The following PTP4A2 variants were observed in gnomAD, a reference collection of about 807,000 sequenced individuals.
PTP4A2 encodes protein tyrosine phosphatase type IVA 2.
PTP4A2 carries 2 observed loss-of-function variants against 22.9 expected under a neutral mutation model. The observed-to-expected ratio is 0.09, with a 90% CI of 0.04 to 0.27. The LOEUF (loss-of-function observed/expected upper bound fraction) is 0.27, where lower values mean the gene tolerates loss of function less well. Ranked by LOEUF, PTP4A2 falls within the 10% of genes least tolerant of loss-of-function variation. The probability of loss-of-function intolerance (pLI) is 1.00; values close to 1 mark genes in which losing one functional copy is unlikely to be tolerated. For synonymous variants in PTP4A2, 68 were observed against 69.1 expected, an observed-to-expected ratio of 0.98 and a Z score of 0.08; for missense variants, 103 against 205.1, an observed-to-expected ratio of 0.50 and a Z score of 3.04.
chr1:31,924,641 T>G, intron 1 of PTP4A2, among the ~76,000 whole-genome samples: 1 of 152,256 alleles, frequency 6.6e-6, no homozygotes, highest in Non-Finnish European at 1.5e-5. Flanking sequence ...AATAAATTAT[T>G]GTTTTAACTT....
At chr1:31,929,608 T>C (rs1254000161) in intron 1 of PTP4A2, among the ~76,000 whole-genome samples, 1 of 152,254 alleles carries the variant, frequency 6.6e-6, no homozygotes. Context: ...CCCAGAAAGT[T>C]AAATCCTAAC....
rs761491536 is a variant in PTP4A2, at chr1:31,915,991, TA to T, written c.97-5del. 177,904 of 1,033,004 alleles carry T rather than the reference TA, an allele frequency of 0.17. 5 individuals are homozygous for T. Among genetic ancestry groups the T allele is most frequent in the South Asian group, 0.22 (11,924 of 54,252 alleles). 64.0% of individuals were successfully genotyped at this position (1,033,004 alleles called of 1,614,324 possible). A position where few individuals can be genotyped will look rare whatever the true frequency, so the allele number is the denominator to read the frequency against. On this transcript the variant is annotated splice_polypyrimidine_tract_variant and splice_region_variant and intron_variant, in intron 2 of 5. Coordinates refer to ENST00000647444, the MANE Select transcript of PTP4A2 (RefSeq NM_080391.4). ...TCACTCCATACTTCTTAAGTTCCTTTAAAAAAAAAAAAAATTATAATGGAAC... is the reference window on the plus strand; with the variant it reads ...TCACTCCATACTTCTTAAGTTCCTTTAAAAAAAAAAAAATTATAATGGAAC...
chr1:31,931,447 G>C (rs897464463), intron 1 of PTP4A2, among the ~76,000 whole-genome samples: 4 of 152,208 alleles, frequency 2.6e-5, no homozygotes, highest in Non-Finnish European at 5.9e-5. Context: ...GTAGTGGTAA[G>C]AGAGCAACTC....
At chr1:31,931,040 T>C (rs1329646211) in intron 1 of PTP4A2, 2 of 152,210 alleles carry the variant, frequency 1.3e-5, no homozygotes, top group South Asian at 2.1e-4. Flanking sequence ...TAAGGGACAA[T>C]ATGTCACCTC....
intron 1 of PTP4A2, chr1:31,933,650 G>T (rs1424434854): frequency 6.6e-6 from 1 of 152,164 alleles, no homozygotes; most frequent in Non-Finnish European, 1.5e-5. Context: ...TTAAACCTAG[G>T]AGGTGGAGGC....
chr1:31,928,501 A>G (rs908964089), intron 1 of PTP4A2, among the ~76,000 whole-genome samples: 4 of 151,686 alleles, frequency 2.6e-5, no homozygotes, highest in Non-Finnish European at 1.5e-5. Context: ...GGAGTTCAAG[A>G]CCAGCCTGGC....
intron 1 of PTP4A2, among the ~76,000 whole-genome samples, chr1:31,923,387 T>A (rs1254996113): frequency 1.4e-5 from 2 of 140,362 alleles, no homozygotes; most frequent in Non-Finnish European, 3.0e-5. Flanking sequence ...CAGGCTGGAG[T>A]GCAGTGGCGC....
At chr1:31,928,696 C>CAA (rs1162186046) in intron 1 of PTP4A2, among the ~76,000 whole-genome samples, 2,672 of 56,802 alleles carry the variant, frequency 0.047, 70 homozygotes, top group Middle Eastern at 0.12. Context: ...AACTCTGTCT[C>CAA]AAAAAAAAAA....
chr1:31,930,617 ACACTT>A (rs1652686871), intron 1 of PTP4A2, among the ~76,000 whole-genome samples: 1 of 152,320 alleles, frequency 6.6e-6, no homozygotes, highest in South Asian at 2.1e-4. Context: ...TGGGTAAGTT[ACACTT>A]CACTTCCTCT....
At chr1:31,910,186 T>TTGGTA in intron 4 of PTP4A2, 74 bp from the exon 5 acceptor site, 1 of 1,124,632 alleles carries the variant, frequency 8.9e-7, no homozygotes, top group Non-Finnish European at 1.3e-6. Context: ...TGTAACTGCA[T>TTGGTA]ATTACCAATG....
At chr1:31,925,519 C>A (rs868835152) in intron 1 of PTP4A2, among the ~76,000 whole-genome samples, 2 of 152,258 alleles carry the variant, frequency 1.3e-5, no homozygotes, top group South Asian at 4.1e-4. Context: ...CTTTGGGAGG[C>A]CGAGTTGGGC....
intron 1 of PTP4A2, among the ~76,000 whole-genome samples, chr1:31,922,474 A>G (rs1557865522): frequency 6.6e-6 from 1 of 152,134 alleles, no homozygotes; most frequent in East Asian, 1.9e-4. Context: ...CAAGAGAGAA[A>G]CTCTGTCAAA....
chr1:31,930,541 T>C (rs1652682449), intron 1 of PTP4A2, among the ~76,000 whole-genome samples: 1 of 152,160 alleles, frequency 6.6e-6, no homozygotes, highest in Admixed American at 6.5e-5. Flanking sequence ...CAACATAAAT[T>C]ATTTTGTTTG....
intron 3 of PTP4A2, chr1:31,913,051 T>A (rs1469609415): frequency 2.2e-6 from 1 of 452,934 alleles, no homozygotes. Context: ...TAAAACATGC[T>A]TCACTTACTC....
At chr1:31,911,046 A>G (rs1651508169) in intron 4 of PTP4A2, 1 of 152,260 alleles carries the variant, frequency 6.6e-6, no homozygotes, top group African/African-American at 2.4e-5. Flanking sequence ...AACCTTCAGG[A>G]TAAGGACTAA....
intron 2 of PTP4A2, among the ~76,000 whole-genome samples, chr1:31,918,346 A>T (rs1651966062): frequency 6.6e-6 from 1 of 152,250 alleles, no homozygotes; most frequent in Non-Finnish European, 1.5e-5. Flanking sequence ...CTGACATAAA[A>T]ATACTACCTC....
chr1:31,925,234 TA>T (rs1314875612), intron 1 of PTP4A2, among the ~76,000 whole-genome samples: 1 of 152,094 alleles, frequency 6.6e-6, no homozygotes, highest in Non-Finnish European at 1.5e-5. Flanking sequence ...GTATTACCTT[TA>T]AAAAAAATTC....
At chr1:31,937,217 G>GA (rs965817503) in intron 1 of PTP4A2, among the ~76,000 whole-genome samples, 9 of 152,034 alleles carry the variant, frequency 5.9e-5, no homozygotes, top group East Asian at 5.8e-4. Context: ...AAACGTGGGA[G>GA]AAAAAAATGT....
chr1:31,934,534 T>C (rs996711481), intron 1 of PTP4A2, among the ~76,000 whole-genome samples: 19 of 152,230 alleles, frequency 1.2e-4, no homozygotes, highest in Non-Finnish European at 1.9e-4. Flanking sequence ...AAGGAAAAAG[T>C]ATAGTCAAAT....
Sources: gnomAD v4.1 joint callset for allele counts (sites outside exome capture counted in the v4.1 genomes callset) on GRCh38, gnomAD v4.1.1 for gene constraint, MANE v1.5 for transcripts, NCBI Gene and HGNC (gene_info 2026-07-23, HGNC 2026-07-21) for gene names.